Variants in NOTCH3 observed in about 807,000 individuals in gnomAD.
NOTCH3 encodes the protein notch receptor 3.
NOTCH3 carries 86 observed loss-of-function variants against 213.3 expected under a neutral mutation model. The ratio of observed to expected loss-of-function variants is 0.40; its 90% CI spans 0.34 to 0.48. NOTCH3 has a LOEUF of 0.48. Among genes scored for constraint, NOTCH3 ranks in the 20% least tolerant of loss-of-function variants. The pLI, the probability that NOTCH3 is intolerant of heterozygous loss-of-function variation, is 0.57. For missense variants in NOTCH3, 2,783 were observed against 3,272.6 expected (o/e 0.85, Z 3.65); for synonymous variants, 1,354 against 1,355.9 (o/e 1.00, Z 0.03).
At chr19:15,181,429 C>G in intron 17 of NOTCH3, 147 bp downstream of exon 17, 1 of 725,098 alleles carries the variant, frequency 1.4e-6, no homozygotes, top group Middle Eastern at 3.9e-4. Context: ...CCTGCTCCTT[C>G]CCTGGCCCTG....
intron 1 of NOTCH3, among the ~76,000 whole-genome samples, chr19:15,198,433 GGAGAAGACA>G (rs2046986308): frequency 6.6e-6 from 1 of 152,172 alleles, no homozygotes; most frequent in African/African-American, 2.4e-5. Context: ...AGATAGACCA[GGAGAAGACA>G]GAGAAGGACA....
rs1478443761 is a variant in NOTCH3 at position 15,179,410 on chromosome 19, A to G, written c.3414T>C (p.Ile1138=). 6.2e-7 allele frequency: 1 copy of G among 1,614,142 alleles called. No individual in the cohort carries two copies. Residue 1138 remains isoleucine, a synonymous_variant, in exon 21 of 33, where the codon ATT becomes ATC. Coordinates refer to ENST00000263388, the MANE Select transcript of NOTCH3 (RefSeq NM_000435.3). ...SQPCQHGGSC[I]DLVARYLCSC... is the part of the protein sequence containing the mutation. Reference sequence around the variant, plus strand: ...AGCAGAGATAGCGGGCCACGAGGTCAATGCATGAACCCCCGTGCTGGCAGG... The same window carrying G: ...AGCAGAGATAGCGGGCCACGAGGTCGATGCATGAACCCCCGTGCTGGCAGG...
chr19:15,200,055 C>CGGGAGGAGAGGAGGAGGGGCG, intron 1 of NOTCH3, among the ~76,000 whole-genome samples: 1 of 149,992 alleles, frequency 6.7e-6, no homozygotes, highest in Non-Finnish European at 1.5e-5. Context: ...GGAGGAGGGG[C>CGGGAGGAGAGGAGGAGGGGCG]GGGGGCCCCT....
intron 1 of NOTCH3, among the ~76,000 whole-genome samples, chr19:15,199,087 G>A (rs1000953703): frequency 1.3e-5 from 2 of 152,218 alleles, no homozygotes; most frequent in Admixed American, 1.3e-4. Context: ...AACTCACACT[G>A]TGGGTCCCAT....
chr19:15,184,245 A>C (rs747661568), intron 16 of NOTCH3, 50 bp downstream of exon 16: 12 of 1,557,464 alleles, frequency 7.7e-6, no homozygotes, highest in Non-Finnish European at 8.9e-7. Context: ...GTTCAAGCTT[A>C]ATGACTGTGT....
chr19:15,197,595 G>A lies in NOTCH3; in HGVS notation c.119-17C>T, dbSNP rs200155424. 28 of 1,609,778 alleles carry A rather than the reference G, an allele frequency of 1.7e-5. No individual in the cohort carries two copies. In the East Asian group the frequency reaches 2.0e-4, roughly 12 times the overall value. On this transcript the variant is annotated splice_polypyrimidine_tract_variant and intron_variant, in intron 1 of 32. Coordinates refer to ENST00000263388, the MANE Select transcript of NOTCH3 (RefSeq NM_000435.3). ...AAGGGGGGGCTGTGTGGGGGTGAAG[G>A]AAGGTGGAGGATCAGCCAGGTGCCC...
At chr19:15,183,179 A>G (rs1465211979) in intron 16 of NOTCH3, among the ~76,000 whole-genome samples, 1 of 152,118 alleles carries the variant, frequency 6.6e-6, no homozygotes, top group East Asian at 1.9e-4. Flanking sequence ...GCCTCAGCCC[A>G]GGAGTTCGAG....
In NOTCH3 at chr19:15,159,995, A is replaced by G; in HGVS notation, c.*667T>C. The G allele has an allele frequency of 4.3e-6, 1 of 233,536 alleles. No individual in the cohort carries two copies. Among genetic ancestry groups the G allele is most frequent in the Non-Finnish European group, 8.5e-6 (1 of 117,938 alleles). 14.5% of individuals were successfully genotyped at this position (233,536 alleles called of 1,614,324 possible). ...CCAGCAAGGCTATGGAACATGTCCC[A>G]TCTGGAATGCAGTGAAGTGAGGGAG... On this transcript the variant is annotated 3_prime_UTR_variant, in exon 33 of 33. Transcript: ENST00000263388.
chr19:15,170,281 G>A, intron 27 of NOTCH3, 50 bp downstream of exon 27: 1 of 1,569,872 alleles, frequency 6.4e-7, no homozygotes. Flanking sequence ...CGGGGTCCAG[G>A]GTTCACAAGG....
Position 15,178,057 on chromosome 19 carries a change from G to T in NOTCH3, c.3871C>A (p.Arg1291Ser). The T allele has an allele frequency of 6.6e-7, 1 of 1,519,916 alleles. No homozygotes were observed. The highest frequency in any genetic ancestry group is 2.6e-5 in the East Asian group (1 of 38,856). 94.2% of individuals were successfully genotyped at this position (1,519,916 alleles called of 1,614,324 possible). The change falls in exon 24 of 33, where the codon CGC becomes AGC. Residue 1291 changes from arginine to serine, a missense_variant. Physicochemically the swap from Arg to Ser is moderately radical, Grantham distance 110. Around this residue, in one of 6 missense-constraint regions of NOTCH3, gnomAD observed 861 missense variants for 909.1 expected, o/e 0.95. Coordinates refer to ENST00000263388, the MANE Select transcript of NOTCH3 (RefSeq NM_000435.3). ...FWGPRCERVARSCRELQCPVG... is the reference protein window; with the variant it reads ...FWGPRCERVASSCRELQCPVG... ...GGGCACTGCAGCTCCCGGCAGGAGCGCGCCACCCGCTCGCAACGCGGACCC... is the reference window on the plus strand; with the variant it reads ...GGGCACTGCAGCTCCCGGCAGGAGCTCGCCACCCGCTCGCAACGCGGACCC...
At position 15,160,985 on chromosome 19, in the gene NOTCH3, G is replaced by C. The variant is rs774187286; in HGVS notation, c.6643C>G (p.Pro2215Ala). ...GCCGGGTACTCCTCGCCATGTCCTG[G>C]GACTGCCAGGTAAGGCGGGGGCCGC... ...QERPPPYLAV[P>A]GHGEEYPAAG... Residue 2215 changes from proline to alanine, a missense_variant, in exon 33 of 33, where the codon CCA becomes GCA. Coordinates refer to ENST00000263388, the MANE Select transcript of NOTCH3 (RefSeq NM_000435.3). 7 of 1,563,626 alleles carry C rather than the reference G, an allele frequency of 4.5e-6. No individual in the cohort carries two copies. In the East Asian group the frequency reaches 1.6e-4, roughly 37 times the overall value.
chr19:15,167,100 A>G (rs1352707763), intron 29 of NOTCH3, 149 bp downstream of exon 29: 1 of 830,470 alleles, frequency 1.2e-6, no homozygotes, highest in Non-Finnish European at 1.9e-6. Flanking sequence ...GACCTTTGTC[A>G]CTTCCAACCA....
Position 15,160,830 on chromosome 19 carries a change from C to G in NOTCH3, c.6798G>C (p.Trp2266Cys), listed in dbSNP as rs2145379932. The G allele has an allele frequency of 6.2e-7, 1 of 1,613,940 alleles. No homozygotes were observed. Among genetic ancestry groups the G allele is most frequent in the Non-Finnish European group, 8.5e-7 (1 of 1,179,936 alleles). The change falls in exon 33 of 33, where the codon TGG becomes TGC. Residue 2266 changes from tryptophan (W) to cysteine (C), a missense_variant. Trp to Cys is a radical substitution (Grantham distance 215, BLOSUM62 -2). This residue lies in a region of NOTCH3 where 441 missense variants were observed against 432.1 expected (regional missense o/e 1.02). Transcript: ENST00000263388. ...ASPSPPSLSD[W>C]SESTPSPATA... Reference sequence around the variant, plus strand: ...TGGCTGGGCTAGGCGTGGATTCGGACCAGTCTGAGAGGGAGGGAGGTGAGG... The same window carrying G: ...TGGCTGGGCTAGGCGTGGATTCGGAGCAGTCTGAGAGGGAGGGAGGTGAGG...
chr19:15,194,903 G>A (rs1007120128), intron 2 of NOTCH3, among the ~76,000 whole-genome samples: 3 of 147,698 alleles, frequency 2.0e-5, no homozygotes, highest in African/African-American at 7.5e-5. Context: ...GCTGCAGTGA[G>A]CCAAGATCGA....
In NOTCH3 at chr19:15,179,142, G is replaced by T; in HGVS notation, c.3601C>A (p.Arg1201Ser). Residue 1201 changes from arginine to serine, a missense_variant, in exon 22 of 33, where the codon CGC (arginine) becomes AGC (serine). Physicochemically the swap from Arg to Ser is moderately radical, Grantham distance 110. Coordinates refer to ENST00000263388, the MANE Select transcript of NOTCH3 (RefSeq NM_000435.3). ...CTCPPGYTGL[R>S]CEADINECRS... Reference sequence around the variant, plus strand: ...CACTCATTGATGTCTGCCTCGCAGCGCAAACCAGTGTATCCTGGGGGACAG... The same window carrying T: ...CACTCATTGATGTCTGCCTCGCAGCTCAAACCAGTGTATCCTGGGGGACAG... 6.2e-7 allele frequency: 1 copy of T among 1,614,136 alleles called. No homozygotes were observed. Among genetic ancestry groups the T allele is most frequent in the Non-Finnish European group, 8.5e-7 (1 of 1,180,010 alleles).
chr19:15,160,423 G>T lies in NOTCH3; in HGVS notation c.*239C>A. Reference sequence around the variant, plus strand: ...GAAGAGAGAAGTGGGGAAGAAGGAGGTCCCAGACTCTTCACAAGACTGAGA... The same window carrying T: ...GAAGAGAGAAGTGGGGAAGAAGGAGTTCCCAGACTCTTCACAAGACTGAGA... On this transcript the variant is annotated 3_prime_UTR_variant, in exon 33 of 33. Transcript: ENST00000263388. The T allele has an allele frequency of 1.7e-6, 1 of 574,152 alleles. No individual in the cohort carries two copies. Among genetic ancestry groups the T allele is most frequent in the South Asian group, 2.1e-5 (1 of 48,564 alleles). The allele number at this position is 574,152 out of a possible 1,614,324, so 35.6% of individuals were successfully genotyped here.
Position 15,167,823 on chromosome 19 carries a change from G to C in NOTCH3, c.5200-412C>G, listed in dbSNP as rs539283426. Among the ~76,000 whole-genome samples the C allele has an allele frequency of 7.9e-5, 12 of 152,020 alleles. No homozygotes were observed. The South Asian group carries it at 1.5e-3, about 18-fold the overall frequency. ...GCCCCTCTCAGCCTCCCAAAGTGCT[G>C]AGATTAACAGGAAATCAATGTGTGC... On this transcript the variant is annotated intron_variant, in intron 28 of 32. Transcript: ENST00000263388.
Position 15,192,071 on chromosome 19 carries a change from T to A in NOTCH3, c.568A>T (p.Thr190Ser). 1 of 1,613,204 alleles carries A rather than the reference T, an allele frequency of 6.2e-7. No individual in the cohort carries two copies. The highest frequency in any genetic ancestry group is 8.5e-7 in the Non-Finnish European group (1 of 1,180,034). The change falls in exon 4 of 33, where the codon ACA becomes TCA. Residue 190 changes from threonine (T) to serine (S), a missense_variant. Physicochemically the swap from Thr to Ser is moderately conservative, Grantham distance 58. Around this residue, in one of 6 missense-constraint regions of NOTCH3, gnomAD observed 708 missense variants for 906.6 expected, o/e 0.78. Coordinates refer to ENST00000263388, the MANE Select transcript of NOTCH3 (RefSeq NM_000435.3). ...GCGGGGTTCTCACATAGTGGCCCTG[T>A]GTAGCCAGCTGGACACTGGCAGCGG... is the stretch of plus-strand genomic sequence containing the variant. ...SFRCQCPAGY[T>S]GPLCENPAVP... is the part of the protein sequence containing the mutation.
chr19:15,160,463 C>T lies in NOTCH3; in HGVS notation c.*199G>A. The T allele has an allele frequency of 1.6e-6, 1 of 617,078 alleles. No individual in the cohort carries two copies. Among genetic ancestry groups the T allele is most frequent in the Non-Finnish European group, 2.9e-6 (1 of 344,548 alleles). The allele number at this position is 617,078 out of a possible 1,614,324, so 38.2% of individuals were successfully genotyped here. A position where few individuals can be genotyped will look rare whatever the true frequency, so the allele number is the denominator to read the frequency against. On this transcript the variant is annotated 3_prime_UTR_variant, in exon 33 of 33. Transcript: ENST00000263388. ...CAAGACTGAGAGGGTGGGTGGTAGC[C>T]CCCACCCATTATAAATAAAGGAAGA...
Sources: gnomAD v4.1 joint callset for allele counts (sites outside exome capture counted in the v4.1 genomes callset) on GRCh38, gnomAD v4.1.1 for gene constraint, gnomAD v4.1.1 regional missense constraint, MANE v1.5 for transcripts, NCBI Gene and HGNC (gene_info 2026-07-23, HGNC 2026-07-21) for gene names.